The following A1CF variants were observed in gnomAD, a reference collection of about 807,000 sequenced individuals.
A1CF encodes the protein APOBEC1 complementation factor, also known as APOBEC-1 stimulating protein.
A1CF carries 48 observed loss-of-function variants against 68.9 expected under a neutral mutation model. The observed-to-expected ratio is 0.70, with a 90% CI of 0.55 to 0.89. The LOEUF is 0.89. Ranked by LOEUF, A1CF falls within the 40% of genes least tolerant of loss-of-function variation. A1CF has a pLI of 0.00. For missense variants in A1CF, 653 were observed against 718.9 expected (o/e 0.91, Z 1.05); for synonymous variants, 272 against 260.4 (o/e 1.04, Z -0.43).
Position 50,850,746 on chromosome 10 carries a change from C to G in A1CF, c.100-6624G>C, listed in dbSNP as rs778009091. 5 of 1,614,146 alleles carry G rather than the reference C, an allele frequency of 3.1e-6. No individual in the cohort carries two copies. The Admixed American group carries it at 8.3e-5, about 27-fold the overall frequency. On this transcript the variant is annotated intron_variant, in intron 3 of 12. Transcript: ENST00000373997. ...GGCCAGGAATTGCTGTGCTCATGCTCGCTTCTGGCTCTGGGCATGTGCCCA... is the reference window on the plus strand; with the variant it reads ...GGCCAGGAATTGCTGTGCTCATGCTGGCTTCTGGCTCTGGGCATGTGCCCA...
At chr10:50,810,193 A>G in intron 11 of A1CF, 151 bp from the exon 12 acceptor site, 1 of 879,302 alleles carries the variant, frequency 1.1e-6, no homozygotes, top group Non-Finnish European at 1.7e-6. Context: ...GCTTCTAAAT[A>G]TAGGTTGCAT....
At chr10:50,833,045 T>A (rs1839323950) in intron 6 of A1CF, among the ~76,000 whole-genome samples, 1 of 152,186 alleles carries the variant, frequency 6.6e-6, no homozygotes, top group Admixed American at 6.5e-5. Context: ...AAAATTTGAC[T>A]GAAGAATAGA....
rs113372272 is a variant in A1CF at position 50,871,805 on chromosome 10, T to C, written c.-93-7725A>G. On this transcript the variant is annotated intron_variant, in intron 1 of 12. Coordinates refer to ENST00000373997, the MANE Select transcript of A1CF (RefSeq NM_014576.4). Reference sequence around the variant, plus strand: ...AATAAAGAAATAACCTTTAAAAACATTGTGTAACTTCCAGAAGTAAATATA... The same window carrying C: ...AATAAAGAAATAACCTTTAAAAACACTGTGTAACTTCCAGAAGTAAATATA... 6.1e-3 allele frequency among the ~76,000 whole-genome samples: 933 copies of C among 152,186 alleles called. 8 individuals are homozygous for C. Among genetic ancestry groups the C allele is most frequent in the African/African-American group, 0.021 (871 of 41,564 alleles).
chr10:50,820,688 A>G, intron 7 of A1CF, 39 bp from the exon 8 acceptor site: 1 of 1,552,906 alleles, frequency 6.4e-7, no homozygotes. Flanking sequence ...TAACAAAATT[A>G]AGAGAGCCTT....
chr10:50,868,978 C>T (rs1009844247), intron 1 of A1CF, among the ~76,000 whole-genome samples: 2 of 151,990 alleles, frequency 1.3e-5, no homozygotes. Context: ...CACACTGGCA[C>T]CTTTCAGAGG....
At chr10:50,865,854 G>A (rs189995470) in intron 1 of A1CF, among the ~76,000 whole-genome samples, 15 of 152,138 alleles carry the variant, frequency 9.9e-5, no homozygotes, top group Admixed American at 7.9e-4. Context: ...GTATTGTTTC[G>A]CACATGACTG....
chr10:50,871,287 AAC>A (rs1841256177), intron 1 of A1CF, among the ~76,000 whole-genome samples: 1 of 151,918 alleles, frequency 6.6e-6, no homozygotes, highest in African/African-American at 2.4e-5. Flanking sequence ...ATAAGGTCTA[AAC>A]AATAGAATAA....
At chr10:50,879,554 T>C (rs1026381799) in intron 1 of A1CF, among the ~76,000 whole-genome samples, 1 of 152,126 alleles carries the variant, frequency 6.6e-6, no homozygotes, top group African/African-American at 2.4e-5. Flanking sequence ...ACAATCATGG[T>C]GGAAGGCAAA....
chr10:50,825,421 C>G (rs1838872169), intron 7 of A1CF, among the ~76,000 whole-genome samples: 1 of 152,238 alleles, frequency 6.6e-6, no homozygotes, highest in Admixed American at 6.5e-5. Flanking sequence ...AAGATTTCTG[C>G]ATCGCTTCTT....
chr10:50,811,758 G>C (rs190108610), intron 10 of A1CF, among the ~76,000 whole-genome samples: 2 of 152,190 alleles, frequency 1.3e-5, no homozygotes, highest in African/African-American at 4.8e-5. Context: ...TTGTTTGTTT[G>C]TTTGTTTTTT....
intron 12 of A1CF, among the ~76,000 whole-genome samples, chr10:50,808,093 G>A (rs1041719165): frequency 6.6e-6 from 1 of 152,210 alleles, no homozygotes; most frequent in Non-Finnish European, 1.5e-5. Flanking sequence ...GTAACTGTGT[G>A]AGTGTGTGCA....
intron 2 of A1CF, among the ~76,000 whole-genome samples, chr10:50,861,188 A>G (rs1840728862): frequency 1.3e-5 from 2 of 152,038 alleles, no homozygotes; most frequent in African/African-American, 4.8e-5. Flanking sequence ...TCGTTTCTGA[A>G]AAATGCAGCT....
intron 1 of A1CF, among the ~76,000 whole-genome samples, chr10:50,884,304 G>C (rs2132645344): frequency 6.6e-6 from 1 of 152,260 alleles, no homozygotes; most frequent in Non-Finnish European, 1.5e-5. Flanking sequence ...TTCCTTGCCA[G>C]CTGTCTTCTT....
At chr10:50,848,247 A>G (rs1482331975) in intron 3 of A1CF, among the ~76,000 whole-genome samples, 1 of 152,228 alleles carries the variant, frequency 6.6e-6, no homozygotes, top group Non-Finnish European at 1.5e-5. Context: ...TTTTTACATT[A>G]ACACAATATA....
At chr10:50,815,932 G>A in intron 9 of A1CF, 74 bp downstream of exon 9, 2 of 1,513,760 alleles carry the variant, frequency 1.3e-6, no homozygotes, top group African/African-American at 1.4e-5. Flanking sequence ...CCCATCCAAT[G>A]TATCTAAGGC....
intron 1 of A1CF, among the ~76,000 whole-genome samples, chr10:50,884,312 C>A (rs1841911243): frequency 6.6e-6 from 1 of 152,146 alleles, no homozygotes; most frequent in African/African-American, 2.4e-5. Context: ...CAGCTGTCTT[C>A]TTTTTTCCCT....
chr10:50,831,454 C>A (rs144070518), intron 6 of A1CF, among the ~76,000 whole-genome samples: 1 of 152,128 alleles, frequency 6.6e-6, no homozygotes, highest in African/African-American at 2.4e-5. Flanking sequence ...AAAGGCCGGG[C>A]GTGGTGGCTC....
chr10:50,842,132 T>A, intron 4 of A1CF, 140 bp from the exon 5 acceptor site: 1 of 687,600 alleles, frequency 1.5e-6, no homozygotes, highest in South Asian at 2.0e-5. Flanking sequence ...ATTTGGCATT[T>A]GCATCCCATG....
At chr10:50,822,452 T>G (rs1242090773) in intron 7 of A1CF, among the ~76,000 whole-genome samples, 2 of 152,226 alleles carry the variant, frequency 1.3e-5, no homozygotes, top group Admixed American at 6.5e-5. Flanking sequence ...TTTCATTATC[T>G]TCTTAGATTC....
Sources: allele counts gnomAD v4.1 joint callset (sites outside exome capture counted in the v4.1 genomes callset), GRCh38; gene constraint gnomAD v4.1.1; transcripts MANE v1.5; gene names NCBI Gene and HGNC (gene_info 2026-07-23, HGNC 2026-07-21).